The following PRKCZ variants were observed in gnomAD, a reference collection of about 807,000 sequenced individuals.
PRKCZ encodes the protein protein kinase C zeta, also known as protein kinase C zeta type.
A neutral mutation model predicts 79.5 loss-of-function variants in PRKCZ; 33 were observed. That is an observed-to-expected ratio of 0.41 (90% CI 0.31 to 0.55). PRKCZ has a LOEUF of 0.55. PRKCZ is among the 20% of genes least tolerant of loss of function. The pLI is 0.19. For synonymous variants in PRKCZ, 342 were observed against 320.9 expected, an observed-to-expected ratio of 1.07 and a Z score of -0.70; for missense variants, 578 against 813.5, an observed-to-expected ratio of 0.71 and a Z score of 3.52.
chr1:2,133,243 C>A (rs1675354534), intron 4 of PRKCZ, among the ~76,000 whole-genome samples: 1 of 152,054 alleles, frequency 6.6e-6, no homozygotes, highest in Non-Finnish European at 1.5e-5. Context: ...GCTCCGCCCC[C>A]CAGCTGCGCG....
intron 7 of PRKCZ, among the ~76,000 whole-genome samples, chr1:2,147,600 C>T (rs1571817049): frequency 6.6e-6 from 1 of 151,784 alleles, no homozygotes; most frequent in East Asian, 2.0e-4. Context: ...GTCCACTGAC[C>T]TTTCCATCTA....
chr1:2,185,115 G>A lies in PRKCZ; in HGVS notation c.*106G>A, dbSNP rs2100599493. Reference sequence around the variant, plus strand: ...GGGCACGGCTCCGAGGGCGGCCAGGGACAGACGCTTGCGCCGAGACCGCAG... The same window carrying A: ...GGGCACGGCTCCGAGGGCGGCCAGGAACAGACGCTTGCGCCGAGACCGCAG... On this transcript the variant is annotated 3_prime_UTR_variant, in exon 18 of 18. Coordinates refer to ENST00000378567, the MANE Select transcript of PRKCZ (RefSeq NM_002744.6). 2.7e-6 allele frequency: 3 copies of A among 1,126,034 alleles called. No individual in the cohort carries two copies. The highest frequency in any genetic ancestry group is 2.8e-5 in the South Asian group (2 of 72,164). The allele number at this position is 1,126,034 out of a possible 1,614,324, so 69.8% of individuals were successfully genotyped here.
At chr1:2,057,851 T>C (rs1341768638) in intron 3 of PRKCZ, among the ~76,000 whole-genome samples, 1 of 151,810 alleles carries the variant, frequency 6.6e-6, no homozygotes, top group African/African-American at 2.4e-5. Flanking sequence ...ACTACAGGCA[T>C]GTGCCACCAC....
At position 2,117,998 on chromosome 1, in the gene PRKCZ, C is replaced by CCTTTTT. The variant is rs58233626; in HGVS notation, c.335-17264_335-17263insCTTTTT. Among the ~76,000 whole-genome samples, 37 of 65,088 alleles carry CCTTTTT rather than the reference C, an allele frequency of 5.7e-4. 6 individuals carry two copies. The highest frequency in any genetic ancestry group is 1.1e-3 in the South Asian group (2 of 1,846). The allele number at this position is 65,088 out of a possible 152,430, so 42.7% of individuals were successfully genotyped here. On this transcript the variant is annotated intron_variant, in intron 4 of 17. Coordinates refer to ENST00000378567, the MANE Select transcript of PRKCZ (RefSeq NM_002744.6). ...TATGAGAGAGATTAGCCTATTATTT[C>CCTTTTT]TTTTTTTTTTTTTTTTGGAGTCTCA...
intron 4 of PRKCZ, among the ~76,000 whole-genome samples, chr1:2,067,243 G>GT (rs1661196490): frequency 6.6e-6 from 1 of 152,188 alleles, no homozygotes; most frequent in African/African-American, 2.4e-5. Flanking sequence ...AGCCGCTGTG[G>GT]GTACAGCGCT....
rs139990959 is a variant in PRKCZ at position 2,173,965 on chromosome 1, G to A, written c.1354G>A (p.Asp452Asn). 12 of 1,612,660 alleles carry A rather than the reference G, an allele frequency of 7.4e-6. No homozygotes were observed. The highest frequency in any genetic ancestry group is 2.7e-5 in the African/African-American group (2 of 74,988). The change falls in exon 14 of 18, where the codon GAC (aspartate) becomes AAC (asparagine). Residue 452 changes from aspartate to asparagine, a missense_variant. By Grantham distance (23) the Asp-to-Asn change is conservative. Around this residue, in one of 4 missense-constraint regions of PRKCZ, gnomAD observed 243 missense variants for 467.0 expected, o/e 0.52. Coordinates refer to ENST00000378567, the MANE Select transcript of PRKCZ (RefSeq NM_002744.6). The surrounding 1 kb of genome is among the most constrained non-coding windows in gnomAD (Gnocchi z 5.7). Reference protein sequence around the residue: ...FEMMAGRSPFDIITDNPDMNT... With the variant: ...FEMMAGRSPFNIITDNPDMNT... ...GATGATGGCCGGGCGCTCCCCGTTC[G>A]ACATCATCACCGACAACCCGGACAT...
chr1:2,112,667 T>C (rs1411399858), intron 4 of PRKCZ, among the ~76,000 whole-genome samples: 1 of 80,276 alleles, frequency 1.2e-5, no homozygotes, highest in Non-Finnish European at 2.3e-5. Context: ...GTTCCGTTTT[T>C]TTGTTTGTTT....
intron 4 of PRKCZ, among the ~76,000 whole-genome samples, chr1:2,112,911 C>G (rs1461752263): frequency 6.6e-6 from 1 of 152,178 alleles, no homozygotes; most frequent in Admixed American, 6.5e-5. Flanking sequence ...AGGCTGGTCT[C>G]GAACTCCTGA....
rs923657934 is a variant in PRKCZ, at chr1:2,121,556, G to A, written c.335-13706G>A. On this transcript the variant is annotated intron_variant, in intron 4 of 17. Transcript: ENST00000378567. ...TAGTTAGGGTTATATCAGTAGTTAG[G>A]GCTATGGCTGTAGTTAGGGTGATGG... Among the ~76,000 whole-genome samples, 46 of 55,892 alleles carry A rather than the reference G, an allele frequency of 8.2e-4. 3 individuals carry two copies. Among genetic ancestry groups the A allele is most frequent in the African/African-American group, 2.1e-3 (41 of 19,158 alleles). 36.7% of individuals were successfully genotyped at this position (55,892 alleles called of 152,430 possible).
At chr1:2,118,829 T>C (rs1276043264) in intron 4 of PRKCZ, among the ~76,000 whole-genome samples, 1 of 152,064 alleles carries the variant, frequency 6.6e-6, no homozygotes, top group Non-Finnish European at 1.5e-5. Flanking sequence ...TTCTTTTCTG[T>C]ATATTTTGGA....
intron 4 of PRKCZ, among the ~76,000 whole-genome samples, chr1:2,114,785 AAAAG>A (rs1354453399): frequency 2.6e-5 from 4 of 152,204 alleles, no homozygotes; most frequent in Non-Finnish European, 4.4e-5. Flanking sequence ...AAAAAAAAGA[AAAAG>A]AAAAAGAAAA....
Position 2,123,125 on chromosome 1 carries a change from A to G in PRKCZ, c.335-12137A>G, listed in dbSNP as rs796090956. On this transcript the variant is annotated intron_variant, in intron 4 of 17. Transcript: ENST00000378567. Reference sequence around the variant, plus strand: ...CGGTGGTGGTTAGGGTCACGGTGGTAGTTAGGGTCACGGTGGTGGTTAGGG... The same window carrying G: ...CGGTGGTGGTTAGGGTCACGGTGGTGGTTAGGGTCACGGTGGTGGTTAGGG... 2.7e-3 allele frequency among the ~76,000 whole-genome samples: 29 copies of G among 10,924 alleles called. 9 individuals carry two copies. The highest frequency in any genetic ancestry group is 5.0e-3 in the Non-Finnish European group (26 of 5,250). 7.2% of individuals were successfully genotyped at this position (10,924 alleles called of 152,430 possible).
intron 4 of PRKCZ, among the ~76,000 whole-genome samples, chr1:2,099,268 C>T (rs534111332): frequency 1.2e-4 from 18 of 152,304 alleles, no homozygotes; most frequent in East Asian, 9.6e-4. Context: ...ATGCAGCTGG[C>T]GCTAGGATCC....
intron 4 of PRKCZ, among the ~76,000 whole-genome samples, chr1:2,086,856 G>A (rs191832988): frequency 5.5e-4 from 84 of 152,306 alleles, no homozygotes; most frequent in African/African-American, 1.9e-3. Context: ...CTTCAGAGCC[G>A]CGGCATCGTC....
chr1:2,131,995 T>C (rs948997998), intron 4 of PRKCZ, among the ~76,000 whole-genome samples: 23 of 152,162 alleles, frequency 1.5e-4, no homozygotes, highest in Admixed American at 5.9e-4. Context: ...GTATTTTTAG[T>C]AGAGACGGGG....
intron 4 of PRKCZ, among the ~76,000 whole-genome samples, chr1:2,063,305 C>A (rs1660852913): frequency 6.6e-6 from 1 of 152,176 alleles, no homozygotes; most frequent in African/African-American, 2.4e-5. Context: ...GATCATTGAT[C>A]ATTCTATTTT....
intron 4 of PRKCZ, among the ~76,000 whole-genome samples, chr1:2,126,330 C>G (rs1244918007): frequency 6.6e-6 from 1 of 152,210 alleles, no homozygotes; most frequent in African/African-American, 2.4e-5. Flanking sequence ...GCAGGGGCTG[C>G]CCGGCTGGGG....
rs1683781308 is a variant in PRKCZ at position 2,168,535 on chromosome 1, A to G, written c.975-983A>G. ...TTGTTTCCAATCAGAAACTTCACAG[A>G]TGATTTGCAGCCAGTTCACCTGCCC... is the stretch of plus-strand genomic sequence containing the variant. On this transcript the variant is annotated intron_variant, in intron 10 of 17. Coordinates refer to ENST00000378567, the MANE Select transcript of PRKCZ (RefSeq NM_002744.6). This position sits in a 1 kb window ranked among gnomAD's most constrained non-coding sequence, Gnocchi z 4.7. 6.6e-6 allele frequency among the ~76,000 whole-genome samples: 1 copy of G among 152,272 alleles called. No individual in the cohort carries two copies. Among genetic ancestry groups the G allele is most frequent in the East Asian group, 1.9e-4 (1 of 5,178 alleles).
chr1:2,119,396 G>T (rs1377277353), intron 4 of PRKCZ, among the ~76,000 whole-genome samples: 1 of 151,884 alleles, frequency 6.6e-6, no homozygotes, highest in African/African-American at 2.4e-5. Flanking sequence ...TGTATTTTTA[G>T]TAGAGGCAGG....
Sources: gnomAD v4.1 joint callset for allele counts (sites outside exome capture counted in the v4.1 genomes callset) on GRCh38, gnomAD v4.1.1 for gene constraint, gnomAD v4.1.1 regional missense constraint, Gnocchi (gnomAD v3.1) non-coding constraint, MANE v1.5 for transcripts, NCBI Gene and HGNC (gene_info 2026-07-23, HGNC 2026-07-21) for gene names.